WFDC11: variants seen among roughly 807,000 people sequenced by gnomAD.
The protein encoded by WFDC11 is WAP four-disulfide core domain 11.
WFDC11 carries 9 observed loss-of-function variants against 9.9 expected under a neutral mutation model. The ratio of observed to expected loss-of-function variants is 0.91; its 90% CI spans 0.55 to 1.58. The LOEUF is 1.58. Among genes scored for constraint, WFDC11 ranks in the 40% most tolerant of loss-of-function variants. The pLI, the probability that WFDC11 is intolerant of heterozygous loss-of-function variation, is 0.00. For synonymous variants in WFDC11, 32 were observed against 33.3 expected (o/e 0.96, Z 0.13); for missense variants, 106 against 101.7 (o/e 1.04, Z -0.18).
intron 2 of WFDC11, among the ~76,000 whole-genome samples, chr20:45,662,985 AG>A (rs1200544868): frequency 6.6e-6 from 1 of 152,216 alleles, no homozygotes; most frequent in African/African-American, 2.4e-5. Context: ...GAATAATTTC[AG>A]AAGGAACGGT....
chr20:45,653,374 A>C (rs1158283142), intron 2 of WFDC11, among the ~76,000 whole-genome samples: 1 of 152,176 alleles, frequency 6.6e-6, no homozygotes, highest in African/African-American at 2.4e-5. Context: ...AGACAAGCAA[A>C]TGCTGAGAGA....
chr20:45,663,344 C>G (rs972492723), intron 2 of WFDC11, among the ~76,000 whole-genome samples: 1 of 151,930 alleles, frequency 6.6e-6, no homozygotes, highest in Non-Finnish European at 1.5e-5. Flanking sequence ...TGCTAGTGGT[C>G]TATCAATTTT....
At chr20:45,654,282 CA>C (rs1250499958) in intron 2 of WFDC11, among the ~76,000 whole-genome samples, 1 of 152,220 alleles carries the variant, frequency 6.6e-6, no homozygotes, top group African/African-American at 2.4e-5. Context: ...GAAACTCACT[CA>C]AAACCACTCA....
At chr20:45,651,716 G>A (rs1982810541) in intron 2 of WFDC11, among the ~76,000 whole-genome samples, 2 of 152,180 alleles carry the variant, frequency 1.3e-5, no homozygotes, top group African/African-American at 2.4e-5. Context: ...ACGGCACCTG[G>A]AAAATCGGGT....
At chr20:45,657,722 T>TC (rs1469765236) in intron 2 of WFDC11, among the ~76,000 whole-genome samples, 11 of 152,210 alleles carry the variant, frequency 7.2e-5, no homozygotes, top group African/African-American at 2.7e-4. Context: ...TTAATTTTTC[T>TC]CTTTAATGTT....
chr20:45,669,616 T>C (rs1983256683), intron 1 of WFDC11, among the ~76,000 whole-genome samples: 1 of 152,150 alleles, frequency 6.6e-6, no homozygotes, highest in Non-Finnish European at 1.5e-5. Context: ...AAGAAGTTTT[T>C]TGAAACTAAT....
chr20:45,664,742 G>T (rs1195867068), intron 2 of WFDC11, among the ~76,000 whole-genome samples: 3 of 152,212 alleles, frequency 2.0e-5, no homozygotes, highest in Admixed American at 1.3e-4. Context: ...TTGATTATTG[G>T]CTCCCACTCT....
intron 1 of WFDC11, among the ~76,000 whole-genome samples, chr20:45,667,741 T>C (rs980304993): frequency 2.1e-4 from 32 of 152,332 alleles, no homozygotes; most frequent in African/African-American, 7.0e-4. Flanking sequence ...TCCTCATTTT[T>C]AAAGTGAGAA....
At chr20:45,660,543 C>A (rs1189226062) in intron 2 of WFDC11, among the ~76,000 whole-genome samples, 1 of 152,116 alleles carries the variant, frequency 6.6e-6, no homozygotes, top group Non-Finnish European at 1.5e-5. Flanking sequence ...TTAGGTATAT[C>A]TCCCAATGCT....
chr20:45,655,767 C>T (rs1428698594), intron 2 of WFDC11, among the ~76,000 whole-genome samples: 1 of 152,184 alleles, frequency 6.6e-6, no homozygotes, highest in African/African-American at 2.4e-5. Flanking sequence ...TCAAAAATCA[C>T]AAGCATTCTT....
Position 45,650,592 on chromosome 20 carries a change from G to A in WFDC11, c.9C>T (p.Ser3=), listed in dbSNP as rs758175042. 6 of 1,613,900 alleles carry A rather than the reference G, an allele frequency of 3.7e-6. No homozygotes were observed. The Admixed American group carries it at 1.0e-4, about 27-fold the overall frequency. Residue 3 remains serine (S), a synonymous_variant, in exon 3 of 5, where the codon AGC becomes AGT. Transcript: ENST00000324384. ...GCATGGGTATCCAGAGCTTCATGAG[G>A]CTGACCATATGTGTCTGAATATGTG... MV[S]LMKLWIPMLM...
In WFDC11 at chr20:45,649,407, T is replaced by G. The variant is rs770615834; in HGVS notation, c.101-8A>C. ...CAAGTAACAATTCCTTCCCTGAAAT[T>G]GAGATGAGATGGTCAAAGGTTGATG... On this transcript the variant is annotated splice_region_variant and splice_polypyrimidine_tract_variant and intron_variant, in intron 3 of 4. Transcript: ENST00000324384. The G allele has an allele frequency of 2.5e-6, 4 of 1,613,324 alleles. No homozygotes were observed. In the Admixed American group the frequency reaches 5.0e-5, roughly 20 times the overall value.
intron 2 of WFDC11, among the ~76,000 whole-genome samples, chr20:45,661,482 A>AG (rs200136131): frequency 0.014 from 2,127 of 152,314 alleles, 89 homozygotes; most frequent in Admixed American, 0.099. Flanking sequence ...TTAGACATGA[A>AG]GTCCTTGCCC....
chr20:45,662,422 C>T (rs1019025381), intron 2 of WFDC11, among the ~76,000 whole-genome samples: 2 of 152,108 alleles, frequency 1.3e-5, no homozygotes, highest in Non-Finnish European at 2.9e-5. Context: ...CCTTGTCCTG[C>T]CTAATTGCCC....
At chr20:45,668,125 CA>C (rs766480854) in intron 1 of WFDC11, among the ~76,000 whole-genome samples, 47 of 152,186 alleles carry the variant, frequency 3.1e-4, no homozygotes, top group Non-Finnish European at 5.9e-4. Flanking sequence ...GTGAAGCCCA[CA>C]GCTTTTCCTG....
intron 1 of WFDC11, among the ~76,000 whole-genome samples, chr20:45,669,674 A>G (rs1007763731): frequency 6.6e-6 from 1 of 152,182 alleles, no homozygotes; most frequent in Admixed American, 6.5e-5. Context: ...CAATTAAACC[A>G]GTGTTGAGAG....
intron 2 of WFDC11, among the ~76,000 whole-genome samples, chr20:45,651,819 C>T (rs939173226): frequency 6.7e-6 from 1 of 148,612 alleles, no homozygotes; most frequent in African/African-American, 2.6e-5. Flanking sequence ...GGTCCTATGA[C>T]CACGGAGCCT....
chr20:45,663,107 T>G (rs1983107932), intron 2 of WFDC11, among the ~76,000 whole-genome samples: 1 of 152,200 alleles, frequency 6.6e-6, no homozygotes, highest in African/African-American at 2.4e-5. Context: ...AGCCTGTTAT[T>G]AGTATATTCA....
At chr20:45,661,599 G>A (rs1457539086) in intron 2 of WFDC11, among the ~76,000 whole-genome samples, 6 of 152,148 alleles carry the variant, frequency 3.9e-5, no homozygotes, top group Non-Finnish European at 5.9e-5. Flanking sequence ...TTTGTATACG[G>A]TGTAAGGAAG....
Sources: gnomAD v4.1 joint callset for allele counts (sites outside exome capture counted in the v4.1 genomes callset) on GRCh38, gnomAD v4.1.1 for gene constraint, MANE v1.5 for transcripts, NCBI Gene and HGNC (gene_info 2026-07-23, HGNC 2026-07-21) for gene names.